SPRY3: variants seen among roughly 807,000 people sequenced by gnomAD.
SPRY3 encodes sprouty RTK signaling antagonist 3, also known as protein sprouty homolog 3.
In SPRY3, 15 loss-of-function variants were observed where a neutral mutation model predicts 20.2. The ratio of observed to expected loss-of-function variants is 0.74; its 90% CI spans 0.50 to 1.14. SPRY3 has a LOEUF of 1.14. SPRY3 is among the 50% of genes most tolerant of loss of function. The pLI, the probability that SPRY3 is intolerant of heterozygous loss-of-function variation, is 0.00. For missense variants in SPRY3, 364 were observed against 363.9 expected, an observed-to-expected ratio of 1.00 and a Z score of 0.00; for synonymous variants, 143 against 136.5, an observed-to-expected ratio of 1.05 and a Z score of -0.33.
intron 2 of SPRY3, among the ~76,000 whole-genome samples, chrX:155,750,892 T>C (rs1602987877): frequency 1.3e-5 from 2 of 152,004 alleles, no homozygotes. Flanking sequence ...GGTGGAAAGT[T>C]GGATTTAGGC....
chrX:155,737,579 A>G (rs2091177438), intron 2 of SPRY3, among the ~76,000 whole-genome samples: 1 of 152,184 alleles, frequency 6.6e-6, no homozygotes, highest in Admixed American at 6.5e-5. Context: ...CCTAAAGGAT[A>G]AATAGGAGCT....
chrX:155,742,556 C>T (rs2091208672), intron 2 of SPRY3, among the ~76,000 whole-genome samples: 1 of 152,194 alleles, frequency 6.6e-6, no homozygotes, highest in Non-Finnish European at 1.5e-5. Context: ...TTCAATGCCA[C>T]ATGGCACTTA....
At chrX:155,627,082 G>A (rs1456212502) in intron 1 of SPRY3, among the ~76,000 whole-genome samples, 1 of 111,625 alleles carries the variant, frequency 9.0e-6, no homozygotes, top group African/African-American at 3.3e-5. Context: ...TATCATATTC[G>A]TAGTGAGAAT....
chrX:155,713,656 T>G (rs2091002232), intron 2 of SPRY3, among the ~76,000 whole-genome samples: 1 of 152,152 alleles, frequency 6.6e-6, no homozygotes, highest in Non-Finnish European at 1.5e-5. Context: ...AGAGTTTGAT[T>G]GTTAAATGCC....
intron 2 of SPRY3, among the ~76,000 whole-genome samples, chrX:155,767,377 T>G (rs700442): frequency 6.6e-6 from 1 of 151,782 alleles, no homozygotes; most frequent in African/African-American, 2.4e-5. Context: ...ACTCACTCCC[T>G]GCCCCCACTG....
intron 2 of SPRY3, among the ~76,000 whole-genome samples, chrX:155,753,660 C>G (rs1387658144): frequency 2.0e-5 from 3 of 151,918 alleles, no homozygotes; most frequent in Non-Finnish European, 4.4e-5. Flanking sequence ...AAACTGTCTT[C>G]CAAAGTGGCT....
downstream of SPRY3, chrX:155,779,510 A>G (rs943737478): frequency 2.4e-5 from 4 of 167,012 alleles, no homozygotes; most frequent in African/African-American, 9.6e-5. Flanking sequence ...GTTCAATTAA[A>G]GGAGTAACAA....
chrX:155,765,960 T>G (rs142913475), intron 2 of SPRY3, among the ~76,000 whole-genome samples: 1 of 152,200 alleles, frequency 6.6e-6, no homozygotes, highest in African/African-American at 2.4e-5. Context: ...CTATTTGACC[T>G]GAATCTAGTT....
chrX:155,707,169 T>C (rs1275472197), intron 2 of SPRY3, among the ~76,000 whole-genome samples: 5 of 151,236 alleles, frequency 3.3e-5, no homozygotes, highest in African/African-American at 4.8e-5. Flanking sequence ...GGGCATACCA[T>C]AAATTTCGAT....
intron 1 of SPRY3, among the ~76,000 whole-genome samples, chrX:155,638,581 C>T (rs2067932020): frequency 9.3e-6 from 1 of 107,855 alleles, no homozygotes; most frequent in Non-Finnish European, 1.9e-5. Context: ...TGTATTACAT[C>T]TTCTTCTTCA....
chrX:155,749,847 T>C (rs1380028635), intron 2 of SPRY3, among the ~76,000 whole-genome samples: 2 of 151,832 alleles, frequency 1.3e-5, no homozygotes, highest in African/African-American at 4.8e-5. Flanking sequence ...AGATGTGTTT[T>C]AAATATTCAA....
At chrX:155,715,788 T>C (rs1024758264) in intron 2 of SPRY3, among the ~76,000 whole-genome samples, 2 of 152,168 alleles carry the variant, frequency 1.3e-5, no homozygotes, top group African/African-American at 2.4e-5. Flanking sequence ...AAATGTTCCC[T>C]CCATGCACAG....
intron 2 of SPRY3, among the ~76,000 whole-genome samples, chrX:155,677,325 G>A (rs372052052): frequency 5.4e-5 from 6 of 111,391 alleles, no homozygotes; most frequent in African/African-American, 1.3e-4. Context: ...CTCTCCTCTG[G>A]GTTCCACCAG....
intron 2 of SPRY3, among the ~76,000 whole-genome samples, chrX:155,670,136 A>T (rs1202591545): frequency 8.9e-6 from 1 of 111,929 alleles, no homozygotes; most frequent in African/African-American, 3.2e-5. Flanking sequence ...TAACTTGCTC[A>T]AAGTCATACA....
chrX:155,732,144 G>A (rs780258776), intron 2 of SPRY3, among the ~76,000 whole-genome samples: 1 of 152,060 alleles, frequency 6.6e-6, no homozygotes, highest in East Asian at 1.9e-4. Context: ...CAAAATAGAC[G>A]ATTCTGATGA....
intron 2 of SPRY3, among the ~76,000 whole-genome samples, chrX:155,687,854 A>G (rs1192561092): frequency 8.9e-6 from 1 of 112,313 alleles, no homozygotes; most frequent in Non-Finnish European, 1.9e-5. Context: ...AATTAGAAAT[A>G]GAGAGCTTTA....
chrX:155,642,051 C>T (rs1364971436), intron 1 of SPRY3, among the ~76,000 whole-genome samples: 1 of 112,072 alleles, frequency 8.9e-6, no homozygotes, highest in Non-Finnish European at 1.9e-5. Flanking sequence ...TGAGCCCCTG[C>T]TAGACCCAGG....
chrX:155,655,513 G>A (rs1055383048), intron 1 of SPRY3, among the ~76,000 whole-genome samples: 62 of 111,308 alleles, frequency 5.6e-4, no homozygotes, highest in African/African-American at 1.9e-3. Flanking sequence ...TATTTACTCC[G>A]TTTTGAGTTA....
chrX:155,709,065 A>G (rs772880583), intron 2 of SPRY3, among the ~76,000 whole-genome samples: 12 of 151,636 alleles, frequency 7.9e-5, no homozygotes, highest in Non-Finnish European at 1.6e-4. Flanking sequence ...TTATCCATTT[A>G]TCAGTTGAGG....
Sources: gnomAD v4.1 joint callset for allele counts (sites outside exome capture counted in the v4.1 genomes callset) on GRCh38, gnomAD v4.1.1 for gene constraint, MANE v1.5 for transcripts, NCBI Gene and HGNC (gene_info 2026-07-23, HGNC 2026-07-21) for gene names.